The following ZNF407 variants were observed in gnomAD, a reference collection of about 807,000 sequenced individuals.
ZNF407 encodes zinc finger protein 407.
ZNF407 carries 17 observed loss-of-function variants against 131.2 expected under a neutral mutation model. The ratio of observed to expected loss-of-function variants is 0.13; its 90% CI spans 0.09 to 0.19. The LOEUF (loss-of-function observed/expected upper bound fraction) is 0.19. Ranked by LOEUF, ZNF407 falls within the 10% of genes least tolerant of loss-of-function variation. The probability of loss-of-function intolerance (pLI) is 1.00; values close to 1 mark genes in which losing one functional copy is unlikely to be tolerated. For synonymous variants in ZNF407, 1,156 were observed against 1,062.0 expected (o/e 1.09, Z -1.72); for missense variants, 2,681 against 2,830.6 (o/e 0.95, Z 1.20).
chr18:74,804,298 G>T (rs1443686484), intron 4 of ZNF407: 4 of 1,145,848 alleles, frequency 3.5e-6, no homozygotes, highest in Admixed American at 4.4e-5. Flanking sequence ...CATCATCAAT[G>T]AGTTAAAAAA....
At chr18:75,023,527 T>C (rs1158396028) in intron 8 of ZNF407, among the ~76,000 whole-genome samples, 1 of 152,150 alleles carries the variant, frequency 6.6e-6, no homozygotes. Flanking sequence ...TCTAAGTAAA[T>C]CAGAGACTGA....
intron 3 of ZNF407, among the ~76,000 whole-genome samples, chr18:74,657,472 G>GC (rs1985514213): frequency 6.6e-6 from 1 of 152,072 alleles, no homozygotes; most frequent in Non-Finnish European, 1.5e-5. Context: ...AAGGGAAACT[G>GC]CTTTGAGCGT....
intron 8 of ZNF407, among the ~76,000 whole-genome samples, chr18:74,921,484 C>T (rs1373380496): frequency 5.3e-5 from 8 of 152,088 alleles, no homozygotes; most frequent in Non-Finnish European, 8.8e-5. Context: ...TGAATAAGGC[C>T]TGTTGATCAA....
intron 8 of ZNF407, among the ~76,000 whole-genome samples, chr18:74,980,038 A>G (rs1249661339): frequency 3.3e-5 from 5 of 152,200 alleles, no homozygotes; most frequent in Non-Finnish European, 5.9e-5. Flanking sequence ...ATTATATTTT[A>G]TTAAAATAAC....
intron 7 of ZNF407, among the ~76,000 whole-genome samples, chr18:74,899,797 A>G (rs1971499319): frequency 6.6e-6 from 1 of 152,206 alleles, no homozygotes; most frequent in Admixed American, 6.5e-5. Flanking sequence ...CGCCAGCCAC[A>G]GCCACTGGGT....
At chr18:74,945,797 T>C (rs902264806) in intron 8 of ZNF407, among the ~76,000 whole-genome samples, 1 of 152,176 alleles carries the variant, frequency 6.6e-6, no homozygotes, top group African/African-American at 2.4e-5. Context: ...TACAATAACA[T>C]AGTAATTAGA....
chr18:74,635,186 G>T lies in ZNF407; in HGVS notation c.4167G>T (p.Leu1389=). 6.2e-7 allele frequency: 1 copy of T among 1,614,014 alleles called. No homozygotes were observed. Residue 1389 remains leucine (L), a synonymous_variant, in exon 2 of 9, where the codon CTG becomes CTT. Coordinates refer to ENST00000299687, the MANE Select transcript of ZNF407 (RefSeq NM_017757.3). The surrounding 1 kb of genome is among the most constrained non-coding windows in gnomAD (Gnocchi z 4.7). ...LIATGVRISE[L]PLKDCAQGVK... ...CAACGGGAGTGAGAATTAGTGAGCT[G>T]CCCTTGAAAGACTGTGCTCAAGGTG... is the stretch of plus-strand genomic sequence containing the variant.
intron 7 of ZNF407, among the ~76,000 whole-genome samples, chr18:74,901,780 G>A (rs1350653219): frequency 6.6e-6 from 1 of 152,164 alleles, no homozygotes; most frequent in African/African-American, 2.4e-5. Flanking sequence ...CTGTGTGTAT[G>A]CACTTGCTTT....
At chr18:74,988,094 G>A (rs912074344) in intron 8 of ZNF407, among the ~76,000 whole-genome samples, 3 of 152,188 alleles carry the variant, frequency 2.0e-5, no homozygotes, top group Non-Finnish European at 2.9e-5. Flanking sequence ...AAGAAACATA[G>A]TCGGAAGGCC....
intron 8 of ZNF407, among the ~76,000 whole-genome samples, chr18:74,986,246 T>C (rs941812539): frequency 1.3e-5 from 2 of 151,994 alleles, no homozygotes; most frequent in African/African-American, 4.8e-5. Context: ...TACTGTGAAA[T>C]AGGAATAAAT....
intron 4 of ZNF407, among the ~76,000 whole-genome samples, chr18:74,785,364 A>G (rs1226262460): frequency 6.6e-6 from 1 of 152,112 alleles, no homozygotes; most frequent in South Asian, 2.1e-4. Context: ...CTGAGCCCTG[A>G]AATTTGTGCT....
Position 74,673,497 on chromosome 18 carries a change from C to T in ZNF407, c.4802+32375C>T, listed in dbSNP as rs116706664. ...TGTGTCTGCTAGGATAATCTGGGGC[C>T]GCAGAAGAGCAAGATCCTTAATTTA... is the stretch of plus-strand genomic sequence containing the variant. On this transcript the variant is annotated intron_variant, in intron 3 of 8. Transcript: ENST00000299687. Among the ~76,000 whole-genome samples the T allele has an allele frequency of 3.7e-3, 564 of 152,264 alleles. 1 individual carries two copies. The highest frequency in any genetic ancestry group is 0.013 in the African/African-American group (534 of 41,548).
chr18:74,785,281 G>C (rs191883520), intron 4 of ZNF407, among the ~76,000 whole-genome samples: 57 of 152,234 alleles, frequency 3.7e-4, no homozygotes, highest in African/African-American at 1.3e-3. Flanking sequence ...GTGTGTTCAG[G>C]CTACTGGATT....
intron 3 of ZNF407, among the ~76,000 whole-genome samples, chr18:74,702,200 C>T (rs1341570097): frequency 6.6e-6 from 1 of 152,020 alleles, no homozygotes; most frequent in African/African-American, 2.4e-5. Flanking sequence ...CTGATAATGA[C>T]AGTAGCTCAC....
intron 3 of ZNF407, among the ~76,000 whole-genome samples, chr18:74,671,392 A>G (rs538347701): frequency 6.6e-6 from 1 of 151,872 alleles, no homozygotes; most frequent in Admixed American, 6.6e-5. Context: ...TACGGGGTAC[A>G]TGTGAAGGTG....
intron 3 of ZNF407, among the ~76,000 whole-genome samples, chr18:74,773,702 G>A (rs542627891): frequency 4.6e-5 from 7 of 152,158 alleles, no homozygotes; most frequent in South Asian, 2.1e-4. Flanking sequence ...TTAGAATAAT[G>A]AAAAGATATA....
chr18:74,699,541 G>A (rs1350536167), intron 3 of ZNF407, among the ~76,000 whole-genome samples: 1 of 152,072 alleles, frequency 6.6e-6, no homozygotes, highest in Non-Finnish European at 1.5e-5. Flanking sequence ...GTGTTGGAGT[G>A]ACCAGTTTCA....
chr18:74,774,960 G>A (rs1489552680), intron 3 of ZNF407, among the ~76,000 whole-genome samples: 4 of 152,156 alleles, frequency 2.6e-5, no homozygotes, highest in Non-Finnish European at 2.9e-5. Context: ...ATCCCAAAAC[G>A]TTAGTGGTGA....
intron 1 of ZNF407, among the ~76,000 whole-genome samples, chr18:74,624,640 C>T (rs1027339552): frequency 6.6e-6 from 1 of 152,188 alleles, no homozygotes. Context: ...AAATCCAGCT[C>T]TTAATATGGA....
Sources: allele counts gnomAD v4.1 joint callset (sites outside exome capture counted in the v4.1 genomes callset), GRCh38; gene constraint gnomAD v4.1.1; non-coding constraint Gnocchi (gnomAD v3.1); transcripts MANE v1.5; gene names NCBI Gene and HGNC (gene_info 2026-07-23, HGNC 2026-07-21).